PHKG2: variants seen among roughly 807,000 people sequenced by gnomAD.
PHKG2 encodes the protein phosphorylase kinase catalytic subunit gamma 2, also known as phosphorylase b kinase gamma catalytic chain, liver/testis isoform.
In PHKG2, 28 loss-of-function variants were observed where a neutral mutation model predicts 44.5. The observed-to-expected ratio is 0.63, with a 90% CI of 0.47 to 0.86. PHKG2 has a LOEUF of 0.86. Ranked by LOEUF, PHKG2 falls within the 40% of genes least tolerant of loss-of-function variation. The probability of loss-of-function intolerance (pLI) is 0.00; values close to 1 mark genes in which losing one functional copy is unlikely to be tolerated. For missense variants in PHKG2, 498 were observed against 547.5 expected (o/e 0.91, Z 0.90); for synonymous variants, 220 against 211.2 (o/e 1.04, Z -0.36).
chr16:30,756,517 C>T lies in PHKG2; in HGVS notation c.798C>T (p.Asp266=). Residue 266 remains aspartate (D), a synonymous_variant, in exon 8 of 10, where the codon GAC becomes GAT. Transcript: ENST00000563588. ...ATGACCGTTCCAGCACTGTCAAAGA[C>T]CTGGTGAGCGGGGGCTGAGAGGACA... ...EWDDRSSTVK[D]LISRLLQVDP... 1 of 1,612,998 alleles carries T rather than the reference C, an allele frequency of 6.2e-7. No homozygotes were observed. Among genetic ancestry groups the T allele is most frequent in the Non-Finnish European group, 8.5e-7 (1 of 1,180,002 alleles).
Position 30,756,475 on chromosome 16 carries a change from C to T in PHKG2, c.756C>T (p.Phe252=), listed in dbSNP as rs778270637. 1.2e-6 allele frequency: 2 copies of T among 1,613,674 alleles called. No homozygotes were observed. Among genetic ancestry groups the T allele is most frequent in the African/African-American group, 1.3e-5 (1 of 75,038 alleles). The change falls in exon 8 of 10, where the codon TTC becomes TTT. Residue 252 remains phenylalanine (F), a synonymous_variant. Coordinates refer to ENST00000563588, the MANE Select transcript of PHKG2 (RefSeq NM_000294.3). The part of the protein sequence containing the change: ...LRMIMEGQYQ[F]SSPEWDDRSS... ...TGATCATGGAGGGCCAGTACCAGTTCAGTTCCCCCGAGTGGGATGACCGTT... is the reference window on the plus strand; with the variant it reads ...TGATCATGGAGGGCCAGTACCAGTTTAGTTCCCCCGAGTGGGATGACCGTT...
rs1438973566 is a variant in PHKG2 at position 30,758,284 on chromosome 16, G to A, written c.*1187G>A. 1.3e-5 allele frequency: 2 copies of A among 152,750 alleles called. No individual in the cohort carries two copies. The highest frequency in any genetic ancestry group is 2.9e-5 in the Non-Finnish European group (2 of 68,544). 9.5% of individuals were successfully genotyped at this position (152,750 alleles called of 1,614,324 possible). ...GACGGGGTTTCACAGTGTTAGCCAG[G>A]ATGGACTCGATCTCCTGACCTCGTG... On this transcript the variant is annotated 3_prime_UTR_variant, in exon 10 of 10. Coordinates refer to ENST00000563588, the MANE Select transcript of PHKG2 (RefSeq NM_000294.3).
chr16:30,757,730 A>T lies in PHKG2; in HGVS notation c.*633A>T. The T allele has an allele frequency of 6.6e-7, 1 of 1,510,082 alleles. No homozygotes were observed. The highest frequency in any genetic ancestry group is 2.3e-5 in the East Asian group (1 of 43,474). The allele number at this position is 1,510,082 out of a possible 1,614,324, so 93.5% of individuals were successfully genotyped here. ...ATGGGGGGATGGTCCCTAGTTGGGC[A>T]AACAGTCCCCAAATTTCCCCTGGTG... On this transcript the variant is annotated 3_prime_UTR_variant, in exon 10 of 10. Transcript: ENST00000563588.
At chr16:30,750,379 G>C (rs1445576323) in intron 2 of PHKG2, among the ~76,000 whole-genome samples, 1 of 152,230 alleles carries the variant, frequency 6.6e-6, no homozygotes, top group Non-Finnish European at 1.5e-5. Flanking sequence ...AAGGCTCTGC[G>C]AAGGGCAGCC....
rs572115942 is a variant in PHKG2 at position 30,756,714 on chromosome 16, G to A, written c.926G>A (p.Arg309Gln). The change falls in exon 9 of 10, where the codon CGG becomes CAG. Residue 309 changes from arginine (R) to glutamine (Q), a missense_variant and splice_region_variant. Coordinates refer to ENST00000563588, the MANE Select transcript of PHKG2 (RefSeq NM_000294.3). ...PWNLTPRQRF[R>Q]VAVWTVLAAG... The stretch of plus-strand genomic sequence containing the variant: ...AACCTCACCCCCCGCCAGCGGTTCC[G>A]GGTAAGCCTGAGTGTATCAGGGTCT... 140 of 1,613,950 alleles carry A rather than the reference G, an allele frequency of 8.7e-5. No homozygotes were observed. Among genetic ancestry groups the A allele is most frequent in the Non-Finnish European group, 1.1e-4 (125 of 1,180,026 alleles).
At chr16:30,753,142 C>T (rs2053373478) in intron 4 of PHKG2, 90 bp from the exon 5 acceptor site, 2 of 1,015,926 alleles carry the variant, frequency 2.0e-6, no homozygotes, top group South Asian at 1.3e-5. Context: ...CTTTAGTGGC[C>T]TCTTCCACAA....
At chr16:30,754,726 C>T (rs2053393884) in intron 6 of PHKG2, 1 of 383,686 alleles carries the variant, frequency 2.6e-6, no homozygotes, top group East Asian at 7.4e-5. Context: ...ATCATCTTTG[C>T]CTCTGCCCAC....
Position 30,757,627 on chromosome 16 carries a change from A to G in PHKG2, c.*530A>G. Reference sequence around the variant, plus strand: ...CAGCTCTTTGTTCACTTGGGTCTTGATGTAGGCTCGGAGGACGTGGATGTG... The same window carrying G: ...CAGCTCTTTGTTCACTTGGGTCTTGGTGTAGGCTCGGAGGACGTGGATGTG... On this transcript the variant is annotated 3_prime_UTR_variant, in exon 10 of 10. Coordinates refer to ENST00000563588, the MANE Select transcript of PHKG2 (RefSeq NM_000294.3). 6.2e-7 allele frequency: 1 copy of G among 1,613,816 alleles called. No homozygotes were observed. The highest frequency in any genetic ancestry group is 1.3e-5 in the African/African-American group (1 of 75,026).
rs765120698 is a variant in PHKG2, at chr16:30,751,315, G to A, written c.271+34G>A. ...GTCTTCCTTGCTCCTGTTAGCAGACGACCCCCCACCTCCTGCTGGCCCTGC... is the reference window on the plus strand; with the variant it reads ...GTCTTCCTTGCTCCTGTTAGCAGACAACCCCCCACCTCCTGCTGGCCCTGC... On this transcript the variant is annotated intron_variant, in intron 3 of 9. Transcript: ENST00000563588. 8.7e-6 allele frequency: 14 copies of A among 1,602,582 alleles called. No homozygotes were observed. In the South Asian group the frequency reaches 8.8e-5, roughly 10 times the overall value.
Position 30,757,236 on chromosome 16 carries a change from TC to T in PHKG2, c.*140del. On this transcript the variant is annotated 3_prime_UTR_variant, in exon 10 of 10. Coordinates refer to ENST00000563588, the MANE Select transcript of PHKG2 (RefSeq NM_000294.3). ...CCCTCTTGAAGACCAGCCCGGTACC[TC>T]TCTCCCCACTGGCCAGGACTCTGAG... is the stretch of plus-strand genomic sequence containing the variant. The T allele has an allele frequency of 6.3e-7, 1 of 1,576,362 alleles. No homozygotes were observed. The highest frequency in any genetic ancestry group is 8.6e-7 in the Non-Finnish European group (1 of 1,169,084).
At chr16:30,755,250 T>C (rs1419966717) in intron 6 of PHKG2, 1 of 187,806 alleles carries the variant, frequency 5.3e-6, no homozygotes, top group Non-Finnish European at 1.1e-5. Flanking sequence ...TAAAAATAAA[T>C]AAATATAAAA....
At chr16:30,749,186 G>C (rs922595215) in intron 2 of PHKG2, among the ~76,000 whole-genome samples, 1 of 132,964 alleles carries the variant, frequency 7.5e-6, no homozygotes, top group Non-Finnish European at 1.6e-5. Context: ...TGGTGGTGCT[G>C]GTGGTGGTGC....
chr16:30,760,601 C>G lies in PHKG2; in HGVS notation c.*3504C>G. 2 of 1,559,064 alleles carry G rather than the reference C, an allele frequency of 1.3e-6. No individual in the cohort carries two copies. The highest frequency in any genetic ancestry group is 1.7e-6 in the Non-Finnish European group (2 of 1,150,744). ...AGCTCTTCCCACGCCCCCCTCAGTC[C>G]CTACTCCCTCATCTCAGCATTGGTG... On this transcript the variant is annotated 3_prime_UTR_variant, in exon 10 of 10. Coordinates refer to ENST00000563588, the MANE Select transcript of PHKG2 (RefSeq NM_000294.3).
intron 2 of PHKG2, among the ~76,000 whole-genome samples, 188 bp downstream of exon 2, chr16:30,749,103 C>CTGG (rs2053301802): frequency 6.2e-5 from 1 of 16,090 alleles, no homozygotes; most frequent in African/African-American, 1.8e-4. Context: ...GCTGCTGCTG[C>CTGG]TGCTGCTGGT....
At chr16:30,751,688 C>T (rs2053346790) in intron 4 of PHKG2, 85 bp downstream of exon 4, 2 of 1,100,990 alleles carry the variant, frequency 1.8e-6, no homozygotes, top group Admixed American at 1.7e-5. Flanking sequence ...GGGCTGGACC[C>T]ATCCTGCTCA....
intron 4 of PHKG2, chr16:30,752,027 A>T: frequency 3.6e-6 from 1 of 276,104 alleles, no homozygotes; most frequent in South Asian, 3.7e-5. Context: ...CGGGAGGCGG[A>T]GCTTGCAGTG....
chr16:30,758,884 G>T lies in PHKG2; in HGVS notation c.*1787G>T. The stretch of plus-strand genomic sequence containing the variant: ...CTTTTATCTGTCATCTTGGACTTCT[G>T]CATAAGGGATCATTTAGAGAAAGGA... On this transcript the variant is annotated 3_prime_UTR_variant, in exon 10 of 10. Coordinates refer to ENST00000563588, the MANE Select transcript of PHKG2 (RefSeq NM_000294.3). 6.8e-7 allele frequency: 1 copy of T among 1,469,132 alleles called. No individual in the cohort carries two copies. Among genetic ancestry groups the T allele is most frequent in the South Asian group, 1.3e-5 (1 of 74,076 alleles). 91.0% of individuals were successfully genotyped at this position (1,469,132 alleles called of 1,614,324 possible). A position where few individuals can be genotyped will look rare whatever the true frequency, so the allele number is the denominator to read the frequency against.
At chr16:30,754,465 G>A (rs1365363091) in intron 6 of PHKG2, among the ~76,000 whole-genome samples, 2 of 152,084 alleles carry the variant, frequency 1.3e-5, no homozygotes, top group Admixed American at 6.6e-5. Flanking sequence ...GTGCCTTGTC[G>A]GCACCAGTCT....
chr16:30,751,748 G>C, intron 4 of PHKG2, 145 bp downstream of exon 4: 1 of 805,428 alleles, frequency 1.2e-6, no homozygotes, highest in Non-Finnish European at 2.2e-6. Context: ...CTGCCTGCTA[G>C]CGCATGGCTC....
Sources: allele counts gnomAD v4.1 joint callset (sites outside exome capture counted in the v4.1 genomes callset), GRCh38; gene constraint gnomAD v4.1.1; transcripts MANE v1.5; gene names NCBI Gene and HGNC (gene_info 2026-07-23, HGNC 2026-07-21).